RALA: variants seen among roughly 807,000 people sequenced by gnomAD.
RALA encodes the protein ras-related protein Ral-A.
In RALA, 5 loss-of-function variants were observed where a neutral mutation model predicts 24.0. The observed-to-expected ratio is 0.21, with a 90% CI of 0.11 to 0.44. The LOEUF is 0.44. RALA is among the 20% of genes least tolerant of loss of function. The pLI, the probability that RALA is intolerant of heterozygous loss-of-function variation, is 0.99. For missense variants in RALA, 95 were observed against 241.2 expected, an observed-to-expected ratio of 0.39 and a Z score of 4.01; for synonymous variants, 77 against 83.8, an observed-to-expected ratio of 0.92 and a Z score of 0.44.
intron 1 of RALA, among the ~76,000 whole-genome samples, chr7:39,671,706 G>A (rs540416244): frequency 5.3e-5 from 8 of 152,164 alleles, no homozygotes; most frequent in African/African-American, 1.4e-4. Flanking sequence ...AAGGCAAAAC[G>A]TTAAACCATC....
chr7:39,672,835 A>G (rs1792413569), intron 1 of RALA, among the ~76,000 whole-genome samples: 1 of 152,172 alleles, frequency 6.6e-6, no homozygotes, highest in Non-Finnish European at 1.5e-5. Context: ...CTGCAAAGGG[A>G]CAAGAGGAAA....
At chr7:39,635,064 G>A (rs1791664334) in intron 1 of RALA, among the ~76,000 whole-genome samples, 1 of 152,108 alleles carries the variant, frequency 6.6e-6, no homozygotes, top group Non-Finnish European at 1.5e-5. Flanking sequence ...TAAATGTGCA[G>A]TTTTGCCAGG....
intron 1 of RALA, among the ~76,000 whole-genome samples, chr7:39,678,658 C>G (rs1196106448): frequency 6.6e-6 from 1 of 152,062 alleles, no homozygotes; most frequent in East Asian, 1.9e-4. Context: ...TTCAAGGACC[C>G]CTGTTCCTTT....
chr7:39,671,379 A>G (rs542923475), intron 1 of RALA, among the ~76,000 whole-genome samples: 9 of 152,260 alleles, frequency 5.9e-5, no homozygotes, highest in African/African-American at 4.8e-5. Context: ...GAAATTTTTT[A>G]TAAGTTTTAA....
intron 1 of RALA, among the ~76,000 whole-genome samples, chr7:39,645,757 A>T (rs1351707276): frequency 6.6e-6 from 1 of 152,196 alleles, no homozygotes; most frequent in African/African-American, 2.4e-5. Flanking sequence ...TGACCACAGG[A>T]GGACGAATAG....
At chr7:39,645,607 A>G (rs1356812195) in intron 1 of RALA, among the ~76,000 whole-genome samples, 1 of 152,238 alleles carries the variant, frequency 6.6e-6, no homozygotes, top group Non-Finnish European at 1.5e-5. Flanking sequence ...AGTGTGGTAT[A>G]GTGACATGAG....
intron 1 of RALA, among the ~76,000 whole-genome samples, chr7:39,675,381 G>A (rs888417575): frequency 2.6e-5 from 4 of 152,162 alleles, no homozygotes; most frequent in Non-Finnish European, 5.9e-5. Context: ...GAGCATGTCC[G>A]ATCTTCAGGT....
chr7:39,650,659 A>G (rs1311290140), intron 1 of RALA, among the ~76,000 whole-genome samples: 2 of 152,162 alleles, frequency 1.3e-5, no homozygotes, highest in Non-Finnish European at 2.9e-5. Flanking sequence ...AGCTAACTAT[A>G]TAGTTATCTA....
chr7:39,644,885 C>T (rs867294175), intron 1 of RALA, among the ~76,000 whole-genome samples: 1 of 152,172 alleles, frequency 6.6e-6, no homozygotes, highest in Non-Finnish European at 1.5e-5. Context: ...GTAAACTTTT[C>T]TATGCCTTTA....
intron 1 of RALA, among the ~76,000 whole-genome samples, chr7:39,643,582 G>T (rs750257735): frequency 6.6e-6 from 1 of 152,166 alleles, no homozygotes; most frequent in Non-Finnish European, 1.5e-5. Flanking sequence ...TTAGCCAGGC[G>T]TGGTGGCTTA....
In RALA at chr7:39,707,357, A is replaced by G. The variant is rs1793136174; in HGVS notation, c.*1112A>G. 1 of 152,250 alleles carries G rather than the reference A, an allele frequency of 6.6e-6. No homozygotes were observed. The highest frequency in any genetic ancestry group is 1.5e-5 in the Non-Finnish European group (1 of 68,046). The allele number at this position is 152,250 out of a possible 1,614,324, so 9.4% of individuals were successfully genotyped here. ...TGTTCATTTCTAAATTTATATTCATAAAGTTACAGTTTGATACAGGAATTA... is the reference window on the plus strand; with the variant it reads ...TGTTCATTTCTAAATTTATATTCATGAAGTTACAGTTTGATACAGGAATTA... On this transcript the variant is annotated 3_prime_UTR_variant, in exon 5 of 5. Coordinates refer to ENST00000005257, the MANE Select transcript of RALA (RefSeq NM_005402.4).
chr7:39,673,257 TTC>T (rs1248830288), intron 1 of RALA, among the ~76,000 whole-genome samples: 2 of 152,180 alleles, frequency 1.3e-5, no homozygotes, highest in African/African-American at 4.8e-5. Flanking sequence ...ATCAGAAGAC[TTC>T]TGAGTCAGGT....
At chr7:39,628,108 A>G (rs1017882440) in intron 1 of RALA, among the ~76,000 whole-genome samples, 1 of 147,970 alleles carries the variant, frequency 6.8e-6, no homozygotes, top group Admixed American at 7.0e-5. Context: ...CTGGAATTCT[A>G]GCCTCTCTTC....
chr7:39,638,448 T>G (rs1015467786), intron 1 of RALA, among the ~76,000 whole-genome samples: 1 of 152,126 alleles, frequency 6.6e-6, no homozygotes, highest in Non-Finnish European at 1.5e-5. Flanking sequence ...CAGTAGTTCT[T>G]TTTTGTTGCT....
intron 3 of RALA, among the ~76,000 whole-genome samples, chr7:39,692,325 A>G (rs913176883): frequency 1.3e-5 from 2 of 152,148 alleles, no homozygotes; most frequent in African/African-American, 4.8e-5. Flanking sequence ...CTGTCTCAGT[A>G]TCCCCAGTAC....
At chr7:39,669,630 A>AGT (rs1311121861) in intron 1 of RALA, among the ~76,000 whole-genome samples, 2 of 152,046 alleles carry the variant, frequency 1.3e-5, no homozygotes, top group African/African-American at 4.8e-5. Flanking sequence ...TGAGCAACAT[A>AGT]GTGAGACCCT....
intron 1 of RALA, among the ~76,000 whole-genome samples, chr7:39,628,612 G>A (rs977702613): frequency 3.3e-5 from 5 of 152,244 alleles, no homozygotes; most frequent in Admixed American, 2.6e-4. Flanking sequence ...CTGGAGTGCA[G>A]TGGCGCGATT....
At chr7:39,662,987 G>A (rs1022927654) in intron 1 of RALA, among the ~76,000 whole-genome samples, 1 of 152,168 alleles carries the variant, frequency 6.6e-6, no homozygotes, top group Non-Finnish European at 1.5e-5. Context: ...AAGGTGAAAG[G>A]CACATCTTAC....
intron 1 of RALA, among the ~76,000 whole-genome samples, chr7:39,680,386 C>CAA (rs1439122015): frequency 3.7e-5 from 4 of 107,758 alleles, no homozygotes; most frequent in African/African-American, 9.0e-5. Flanking sequence ...CAAAAAAAAA[C>CAA]AAAAACAAAA....
Sources: gnomAD v4.1 joint callset for allele counts (sites outside exome capture counted in the v4.1 genomes callset) on GRCh38, gnomAD v4.1.1 for gene constraint, MANE v1.5 for transcripts, NCBI Gene and HGNC (gene_info 2026-07-23, HGNC 2026-07-21) for gene names.